Variants in ZHX3 observed in about 807,000 individuals in gnomAD.
ZHX3 encodes zinc fingers and homeoboxes 3.
In ZHX3, 20 loss-of-function variants were observed where a neutral mutation model predicts 64.5. The ratio of observed to expected loss-of-function variants is 0.31; its 90% CI spans 0.22 to 0.45. The LOEUF (loss-of-function observed/expected upper bound fraction) is 0.45. Ranked by LOEUF, ZHX3 falls within the 20% of genes least tolerant of loss-of-function variation. The pLI is 1.00. For missense variants in ZHX3, 1,041 were observed against 1,195.8 expected, an observed-to-expected ratio of 0.87 and a Z score of 1.91; for synonymous variants, 423 against 461.6, an observed-to-expected ratio of 0.92 and a Z score of 1.07.
intron 2 of ZHX3, among the ~76,000 whole-genome samples, chr20:41,230,824 CAG>C (rs2040558976): frequency 6.6e-6 from 1 of 152,114 alleles, no homozygotes; most frequent in Non-Finnish European, 1.5e-5. Context: ...CATTCCCCAC[CAG>C]AATGGTACAT....
Position 41,200,163 on chromosome 20 carries a change from T to G in ZHX3, c.2860+1894A>C, listed in dbSNP as rs371084424. On this transcript the variant is annotated intron_variant, in intron 3 of 3. Transcript: ENST00000683867. The surrounding 1 kb of genome is among the most constrained non-coding windows in gnomAD (Gnocchi z 4.2). ...CCTCTCCATCAAGCTCTTCCCTGGA[T>G]GTTGCAAGTGTTCAACTAGACTTCT... Among the ~76,000 whole-genome samples the G allele has an allele frequency of 1.2e-4, 19 of 152,342 alleles. No individual in the cohort carries two copies. Among genetic ancestry groups the G allele is most frequent in the African/African-American group, 4.6e-4 (19 of 41,594 alleles).
intron 1 of ZHX3, among the ~76,000 whole-genome samples, chr20:41,308,733 G>A (rs952216159): frequency 6.6e-6 from 1 of 152,124 alleles, no homozygotes; most frequent in African/African-American, 2.4e-5. Flanking sequence ...GGGAAAATAG[G>A]GAGAATGGGG....
intron 3 of ZHX3, among the ~76,000 whole-genome samples, chr20:41,187,512 G>C (rs541528414): frequency 1.3e-5 from 2 of 152,132 alleles, no homozygotes; most frequent in South Asian, 2.1e-4. Context: ...CAGTTTCCCA[G>C]CACCTTTTGG....
rs1238749183 is a variant in ZHX3, at chr20:41,202,699, T to C, written c.2218A>G (p.Arg740Gly). ...KNLRVTEANG[R>G]NEIPGLGACD... The stretch of plus-strand genomic sequence containing the variant: ...GCACCCAGCCCTGGAATCTCGTTCC[T>C]GCCATTGGCTTCAGTGACCCTCAGG... The change falls in exon 3 of 4, where the codon AGG becomes GGG. Residue 740 changes from arginine to glycine, a missense_variant. Arg to Gly is a moderately radical substitution (Grantham distance 125). This residue lies in a region of ZHX3 where 649 missense variants were observed against 739.8 expected (regional missense o/e 0.88). Transcript: ENST00000683867. This position sits in a 1 kb window ranked among gnomAD's most constrained non-coding sequence, Gnocchi z 7.0. 2 of 1,614,070 alleles carry C rather than the reference T, an allele frequency of 1.2e-6. No homozygotes were observed. Among genetic ancestry groups the C allele is most frequent in the Non-Finnish European group, 1.7e-6 (2 of 1,180,044 alleles).
At chr20:41,294,583 G>C (rs535131925) in intron 1 of ZHX3, among the ~76,000 whole-genome samples, 1 of 152,052 alleles carries the variant, frequency 6.6e-6, no homozygotes, top group South Asian at 2.1e-4. Flanking sequence ...GGCTAGTCTC[G>C]AACTCCTGAC....
rs147298766 is a variant in ZHX3, at chr20:41,185,609, C to G, written c.2861-408G>C. 14 of 279,394 alleles carry G rather than the reference C, an allele frequency of 5.0e-5. No homozygotes were observed. Among genetic ancestry groups the G allele is most frequent in the Non-Finnish European group, 7.3e-5 (11 of 149,722 alleles). The allele number at this position is 279,394 out of a possible 1,614,324, so 17.3% of individuals were successfully genotyped here. A position where few individuals can be genotyped will look rare whatever the true frequency, so the allele number is the denominator to read the frequency against. The stretch of plus-strand genomic sequence containing the variant: ...ACATACTGTTCCAATATAATAGCAG[C>G]TGGGTCTAGTTCTGATATGTATTCT... On this transcript the variant is annotated intron_variant, in intron 3 of 3. Coordinates refer to ENST00000683867, the MANE Select transcript of ZHX3 (RefSeq NM_001384317.1). This position sits in a 1 kb window ranked among gnomAD's most constrained non-coding sequence, Gnocchi z 5.0.
In ZHX3 at chr20:41,183,831, A is replaced by G. The variant is rs759287778; in HGVS notation, c.*1360T>C. 6.6e-6 allele frequency: 1 copy of G among 152,272 alleles called. No homozygotes were observed. Among genetic ancestry groups the G allele is most frequent in the South Asian group, 2.1e-4 (1 of 4,836 alleles). 9.4% of individuals were successfully genotyped at this position (152,272 alleles called of 1,614,324 possible). On this transcript the variant is annotated 3_prime_UTR_variant, in exon 4 of 4. Coordinates refer to ENST00000683867, the MANE Select transcript of ZHX3 (RefSeq NM_001384317.1). The surrounding 1 kb of genome is among the most constrained non-coding windows in gnomAD (Gnocchi z 5.3). Reference sequence around the variant, plus strand: ...AAATTGAGGATTTACCATTTAGAACAGCTCTGTAAGCAAGTTTTCTAATTT... The same window carrying G: ...AAATTGAGGATTTACCATTTAGAACGGCTCTGTAAGCAAGTTTTCTAATTT...
intron 1 of ZHX3, chr20:41,300,132 C>T (rs1405012962): frequency 6.6e-6 from 1 of 152,164 alleles, no homozygotes; most frequent in African/African-American, 2.4e-5. Flanking sequence ...GTGCTCATCA[C>T]CATGGAGGCA....
At chr20:41,198,073 C>CT (rs1215140408) in intron 3 of ZHX3, among the ~76,000 whole-genome samples, 2 of 144,746 alleles carry the variant, frequency 1.4e-5, no homozygotes, top group Non-Finnish European at 3.0e-5. Flanking sequence ...GGTGCGATCT[C>CT]GGCTCACTGC....
At position 41,317,532 on chromosome 20, in the gene ZHX3, G is replaced by A. The variant is rs1186150439; in HGVS notation, c.-268C>T. ...ACCTGGCAGCGGCGGCGGTGGCGGC[G>A]CCCGCGACCGGGCCGCTCTTCCCGC... is the stretch of plus-strand genomic sequence containing the variant. On this transcript the variant is annotated 5_prime_UTR_variant, in exon 1 of 4. Coordinates refer to ENST00000683867, the MANE Select transcript of ZHX3 (RefSeq NM_001384317.1). 6.8e-6 allele frequency: 1 copy of A among 147,936 alleles called. No homozygotes were observed. The highest frequency in any genetic ancestry group is 1.5e-5 in the Non-Finnish European group (1 of 66,438). 9.2% of individuals were successfully genotyped at this position (147,936 alleles called of 1,614,324 possible). A position where few individuals can be genotyped will look rare whatever the true frequency, so the allele number is the denominator to read the frequency against.
chr20:41,264,385 C>CAAAAAAAAAAAA (rs1165922837), intron 2 of ZHX3, among the ~76,000 whole-genome samples: 2 of 74,434 alleles, frequency 2.7e-5, no homozygotes, highest in African/African-American at 1.0e-4. Flanking sequence ...ACCAAAAATA[C>CAAAAAAAAAAAA]AAAAAAAAAA....
chr20:41,249,980 A>G (rs6029588), intron 2 of ZHX3, among the ~76,000 whole-genome samples: 88,030 of 151,896 alleles, frequency 0.58, 26,857 homozygotes, highest in East Asian at 0.82. Context: ...GACAATACCA[A>G]GCCAGCTGGA....
chr20:41,230,848 G>C (rs6129773), intron 2 of ZHX3, among the ~76,000 whole-genome samples: 64,337 of 151,816 alleles, frequency 0.42, 15,590 homozygotes, highest in East Asian at 0.79. Flanking sequence ...TGTTACAACT[G>C]ATCAATCTAC....
chr20:41,278,132 C>T (rs2043485734), intron 1 of ZHX3, among the ~76,000 whole-genome samples: 1 of 137,282 alleles, frequency 7.3e-6, no homozygotes, highest in Non-Finnish European at 1.6e-5. Flanking sequence ...CACTTGAGGC[C>T]AGGAATTCGA....
At chr20:41,189,850 C>T (rs1180920053) in intron 3 of ZHX3, among the ~76,000 whole-genome samples, 1 of 152,130 alleles carries the variant, frequency 6.6e-6, no homozygotes, top group East Asian at 1.9e-4. Flanking sequence ...GCTAGAACTT[C>T]CAGTACTATG....
rs145330831 is a variant in ZHX3 at position 41,244,714 on chromosome 20, CA to C, written c.-151+24275del. On this transcript the variant is annotated intron_variant, in intron 2 of 3. Transcript: ENST00000683867. ...GTAAATCAAAGAAAGAGAAGACAAC[CA>C]GGGGGAATGCTAATAGAATAGTCAT... Among the ~76,000 whole-genome samples the C allele has an allele frequency of 2.2e-3, 336 of 152,238 alleles. 1 individual carries two copies. The highest frequency in any genetic ancestry group is 7.7e-3 in the African/African-American group (318 of 41,518).
chr20:41,202,414 A>G lies in ZHX3; in HGVS notation c.2503T>C (p.Phe835Leu). Residue 835 changes from phenylalanine to leucine, a missense_variant, in exon 3 of 4, where the codon TTC becomes CTC. Around this residue, in one of 4 missense-constraint regions of ZHX3, gnomAD observed 649 missense variants for 739.8 expected, o/e 0.88. Transcript: ENST00000683867. The surrounding 1 kb of genome is among the most constrained non-coding windows in gnomAD (Gnocchi z 7.0). ...GCAATGACCAGTAGCCCTGGTGGGA[A>G]GTTGCCTCGCTTATAGTCTTCGTAC... Reference protein sequence around the residue: ...KWYEDYKRGNFPPGLLVIAPG... With the variant: ...KWYEDYKRGNLPPGLLVIAPG... The G allele has an allele frequency of 2.5e-6, 4 of 1,614,140 alleles. No individual in the cohort carries two copies. Among genetic ancestry groups the G allele is most frequent in the Non-Finnish European group, 3.4e-6 (4 of 1,179,994 alleles).
chr20:41,316,267 A>G (rs775361654), intron 1 of ZHX3, among the ~76,000 whole-genome samples: 9 of 151,950 alleles, frequency 5.9e-5, no homozygotes, highest in Non-Finnish European at 8.8e-5. Context: ...TTCATTTTCT[A>G]TGTGTCTTTG....
At chr20:41,198,875 AT>A (rs2037987050) in intron 3 of ZHX3, among the ~76,000 whole-genome samples, 2 of 152,118 alleles carry the variant, frequency 1.3e-5, no homozygotes, top group Non-Finnish European at 2.9e-5. Flanking sequence ...GTACATTAGT[AT>A]GCTTGATGAT....
Sources: allele counts gnomAD v4.1 joint callset (sites outside exome capture counted in the v4.1 genomes callset), GRCh38; gene constraint gnomAD v4.1.1; regional missense constraint gnomAD v4.1.1; non-coding constraint Gnocchi (gnomAD v3.1); transcripts MANE v1.5; gene names NCBI Gene and HGNC (gene_info 2026-07-23, HGNC 2026-07-21).